Variants in ADAM29 observed in about 807,000 individuals in gnomAD.
The protein encoded by ADAM29 is disintegrin and metalloproteinase domain-containing protein 29.
For synonymous variants in ADAM29, 367 were observed against 342.3 expected (o/e 1.07, Z -0.80); for missense variants, 969 against 1,001.8 (o/e 0.97, Z 0.44).
chr4:174,924,347 G>C (rs1743362980), intron 2 of ADAM29, among the ~76,000 whole-genome samples: 1 of 152,204 alleles, frequency 6.6e-6, no homozygotes. Flanking sequence ...TATGTGGTAA[G>C]GATGCAGTGC....
intron 1 of ADAM29, among the ~76,000 whole-genome samples, chr4:174,920,240 G>A (rs1743091523): frequency 6.6e-6 from 1 of 152,092 alleles, no homozygotes; most frequent in Non-Finnish European, 1.5e-5. Flanking sequence ...AAACTTGATG[G>A]AGGCTTCTAC....
Position 174,976,869 on chromosome 4 carries a change from C to T in ADAM29, c.1344C>T (p.Phe448=), listed in dbSNP as rs768870601. ...GGCTTTGTTGCAAAGACTGCAAGTT[C>T]CTACCATCAGGGAAAGTGTGTAGAA... The part of the protein sequence containing the change: ...AFGLCCKDCK[F]LPSGKVCRKE... Residue 448 remains phenylalanine, a synonymous_variant, in exon 5 of 5, where the codon TTC becomes TTT. Transcript: ENST00000359240. The T allele has an allele frequency of 1.9e-6, 3 of 1,614,064 alleles. No individual in the cohort carries two copies. The highest frequency in any genetic ancestry group is 1.1e-5 in the South Asian group (1 of 91,070).
chr4:174,948,454 G>C (rs1744975975), intron 4 of ADAM29, among the ~76,000 whole-genome samples: 1 of 152,136 alleles, frequency 6.6e-6, no homozygotes, highest in Non-Finnish European at 1.5e-5. Flanking sequence ...GCACTCCTGG[G>C]ATGAGTGCTC....
At chr4:174,973,139 G>C (rs951665502) in intron 4 of ADAM29, among the ~76,000 whole-genome samples, 3 of 152,166 alleles carry the variant, frequency 2.0e-5, no homozygotes, top group Non-Finnish European at 2.9e-5. Flanking sequence ...GGGGGGGCAG[G>C]GTCTGTGGCA....
intron 4 of ADAM29, among the ~76,000 whole-genome samples, chr4:174,948,918 G>A (rs1745006746): frequency 6.6e-6 from 1 of 152,158 alleles, no homozygotes; most frequent in Non-Finnish European, 1.5e-5. Context: ...GTGGCTGGGT[G>A]AGCTTGTGCT....
At chr4:174,920,405 C>T (rs1743098999) in intron 1 of ADAM29, among the ~76,000 whole-genome samples, 1 of 152,144 alleles carries the variant, frequency 6.6e-6, no homozygotes, top group Non-Finnish European at 1.5e-5. Flanking sequence ...CACTGTAATA[C>T]TTTAAATACT....
Position 174,928,087 on chromosome 4 carries a change from C to T in ADAM29, c.-450-2899C>T, listed in dbSNP as rs530580345. 5.9e-5 allele frequency among the ~76,000 whole-genome samples: 9 copies of T among 152,246 alleles called. No homozygotes were observed. In the East Asian group the frequency reaches 1.7e-3, roughly 29 times the overall value. On this transcript the variant is annotated intron_variant, in intron 2 of 4. Transcript: ENST00000359240. ...TTCCAAATCAGTTTGTCTTCCTCTT[C>T]CCTGCTTAAAACGTTTTCCCTAAGG...
intron 2 of ADAM29, among the ~76,000 whole-genome samples, chr4:174,925,542 T>A (rs1000716610): frequency 2.0e-5 from 3 of 152,204 alleles, no homozygotes; most frequent in Non-Finnish European, 2.9e-5. Context: ...TATCTTACAA[T>A]GTGATAGAGG....
chr4:174,946,034 A>C (rs1744833340), intron 4 of ADAM29, among the ~76,000 whole-genome samples: 1 of 152,086 alleles, frequency 6.6e-6, no homozygotes, highest in African/African-American at 2.4e-5. Context: ...AAAGAATGTC[A>C]TTGGTAGTTT....
At chr4:174,962,417 C>A (rs535665174) in intron 4 of ADAM29, among the ~76,000 whole-genome samples, 19 of 150,336 alleles carry the variant, frequency 1.3e-4, no homozygotes, top group African/African-American at 4.7e-4. Flanking sequence ...GAGGCTGAGG[C>A]AGGAGAATGG....
In ADAM29 at chr4:174,976,283, A is replaced by AT; in HGVS notation, c.759dup (p.Lys254Ter). 6.2e-7 allele frequency: 1 copy of AT among 1,611,676 alleles called. No homozygotes were observed. The highest frequency in any genetic ancestry group is 8.5e-7 in the Non-Finnish European group (1 of 1,179,264). On this transcript the variant is annotated frameshift_variant, in exon 5 of 5. Transcript: ENST00000359240. LOFTEE classifies it low-confidence loss of function (END_TRUNC). ...TTATTTGGTTTGGAGATCTGGACCA[A>AT]TAAAAACCTCATTGTAGTAGATGAT...
At chr4:174,950,321 A>C (rs1279912919) in intron 4 of ADAM29, among the ~76,000 whole-genome samples, 1 of 152,216 alleles carries the variant, frequency 6.6e-6, no homozygotes, top group Non-Finnish European at 1.5e-5. Flanking sequence ...AGGACTTCCA[A>C]CTAAAGCATT....
At chr4:174,946,995 T>C (rs985767925) in intron 4 of ADAM29, among the ~76,000 whole-genome samples, 2 of 152,154 alleles carry the variant, frequency 1.3e-5, no homozygotes, top group African/African-American at 4.8e-5. Flanking sequence ...TTCAGCAGTT[T>C]ATCCATTTCT....
intron 2 of ADAM29, among the ~76,000 whole-genome samples, chr4:174,928,500 G>C (rs1743650987): frequency 1.3e-5 from 2 of 148,930 alleles, no homozygotes; most frequent in South Asian, 4.2e-4. Context: ...CCCATGGGAA[G>C]GGAGGGGGAA....
chr4:174,927,822 T>G (rs1033617628), intron 2 of ADAM29, among the ~76,000 whole-genome samples: 2 of 151,784 alleles, frequency 1.3e-5, no homozygotes, highest in Non-Finnish European at 2.9e-5. Flanking sequence ...GGTGGGAGAG[T>G]GCTTCTACTG....
chr4:174,975,911 T>C lies in ADAM29; in HGVS notation c.386T>C (p.Ile129Thr). ...CFGGFQGILQ[I>T]NDFAYEIKPL... ...GGGGGTTTTCAAGGAATATTACAGATAAATGACTTTGCTTATGAAATCAAG... is the reference window on the plus strand; with the variant it reads ...GGGGGTTTTCAAGGAATATTACAGACAAATGACTTTGCTTATGAAATCAAG... Residue 129 changes from isoleucine to threonine, a missense_variant, in exon 5 of 5, where the codon ATA (isoleucine) becomes ACA (threonine). Transcript: ENST00000359240. 1 of 1,613,782 alleles carries C rather than the reference T, an allele frequency of 6.2e-7. No homozygotes were observed. Among genetic ancestry groups the C allele is most frequent in the Non-Finnish European group, 8.5e-7 (1 of 1,179,888 alleles).
At chr4:174,937,049 A>C (rs145239713) in intron 4 of ADAM29, 36 bp downstream of exon 4, 30 of 152,136 alleles carry the variant, frequency 2.0e-4, no homozygotes, top group African/African-American at 7.0e-4. Context: ...TCTTAGTACA[A>C]GGGGGTTTTA....
Position 174,977,580 on chromosome 4 carries a change from TG to T in ADAM29, c.2056del (p.Val686PhefsTer19), listed in dbSNP as rs772918991. The T allele has an allele frequency of 1.9e-6, 3 of 1,613,682 alleles. No individual in the cohort carries two copies. The highest frequency in any genetic ancestry group is 1.7e-6 in the Non-Finnish European group (2 of 1,179,848). On this transcript the variant is annotated frameshift_variant, in exon 5 of 5. Transcript: ENST00000359240. LOFTEE classifies it low-confidence loss of function (END_TRUNC). ...FCYLCILLLI[V>X]LFILLCCLYR... ...GTTATCTGTGTATATTGTTGCTTATTGTTTTGTTTATTTTATTATGTTGTCT... is the reference window on the plus strand; with the variant it reads ...GTTATCTGTGTATATTGTTGCTTATTTTTTGTTTATTTTATTATGTTGTCT...
chr4:174,920,248 T>C lies in ADAM29; in HGVS notation c.-556-439T>C, dbSNP rs371607536. Among the ~76,000 whole-genome samples, 6 of 152,204 alleles carry C rather than the reference T, an allele frequency of 3.9e-5. No homozygotes were observed. In the East Asian group the frequency reaches 9.6e-4, roughly 24 times the overall value. On this transcript the variant is annotated intron_variant, in intron 1 of 4. Coordinates refer to ENST00000359240, the MANE Select transcript of ADAM29 (RefSeq NM_014269.4). ...GAAGTTGAAACTTGATGGAGGCTTCTACTAACAGTTTTACTTTCTACCTTA... is the reference window on the plus strand; with the variant it reads ...GAAGTTGAAACTTGATGGAGGCTTCCACTAACAGTTTTACTTTCTACCTTA...
Sources: allele counts gnomAD v4.1 joint callset (sites outside exome capture counted in the v4.1 genomes callset), GRCh38; gene constraint gnomAD v4.1.1; transcripts MANE v1.5; gene names NCBI Gene and HGNC (gene_info 2026-07-23, HGNC 2026-07-21).